Variants in PITPNA observed in about 807,000 individuals in gnomAD.
PITPNA encodes the protein phosphatidylinositol transfer protein alpha isoform.
A neutral mutation model predicts 50.3 loss-of-function variants in PITPNA; 13 were observed. The observed-to-expected ratio is 0.26, with a 90% CI of 0.17 to 0.41. PITPNA has a LOEUF of 0.41. PITPNA is among the 10% of genes least tolerant of loss of function. The probability of loss-of-function intolerance (pLI) is 1.00; values close to 1 mark genes in which losing one functional copy is unlikely to be tolerated. For missense variants in PITPNA, 207 were observed against 333.4 expected, an observed-to-expected ratio of 0.62 and a Z score of 2.95; for synonymous variants, 120 against 119.6, an observed-to-expected ratio of 1.00 and a Z score of -0.02.
rs1374626342 is a variant in PITPNA, at chr17:1,517,748, G to A, written c.*2813C>T. 1.3e-5 allele frequency: 2 copies of A among 152,134 alleles called. No individual in the cohort carries two copies. The highest frequency in any genetic ancestry group is 4.8e-5 in the African/African-American group (2 of 41,406). 9.4% of individuals were successfully genotyped at this position (152,134 alleles called of 1,614,324 possible). The stretch of plus-strand genomic sequence containing the variant: ...ATAAAGAGGAAGATGTGAAGAGGAG[G>A]CAGACAAAAGCAAAAGGACATCCTG... On this transcript the variant is annotated 3_prime_UTR_variant, in exon 12 of 12. Transcript: ENST00000313486.
chr17:1,541,068 C>CT (rs2075645767), intron 6 of PITPNA, among the ~76,000 whole-genome samples: 1 of 151,946 alleles, frequency 6.6e-6, no homozygotes, highest in Non-Finnish European at 1.5e-5. Context: ...CCAGCTAATT[C>CT]TTTTTTTATT....
intron 4 of PITPNA, among the ~76,000 whole-genome samples, chr17:1,543,773 A>G (rs2075659744): frequency 6.6e-6 from 1 of 152,194 alleles, no homozygotes. Context: ...AAGAGCTATC[A>G]CGCACAGAAA....
chr17:1,521,524 A>G (rs2075512457), intron 11 of PITPNA, 55 bp downstream of exon 11: 3 of 1,317,702 alleles, frequency 2.3e-6, no homozygotes, highest in Non-Finnish European at 3.3e-6. Flanking sequence ...GAGGCCTTGA[A>G]ACCCAAACTG....
intron 3 of PITPNA, among the ~76,000 whole-genome samples, chr17:1,549,497 T>C (rs2075696953): frequency 6.7e-6 from 1 of 148,204 alleles, no homozygotes; most frequent in Admixed American, 6.8e-5. Flanking sequence ...TTTGTATTTT[T>C]AGTAAAGACA....
chr17:1,558,005 C>A (rs1260238727), intron 2 of PITPNA, among the ~76,000 whole-genome samples: 2 of 151,962 alleles, frequency 1.3e-5, no homozygotes, highest in Non-Finnish European at 1.5e-5. Flanking sequence ...CTGAGGCGGG[C>A]GGATCACTTG....
At chr17:1,528,284 GCA>G (rs2075559899) in intron 10 of PITPNA, among the ~76,000 whole-genome samples, 2 of 152,176 alleles carry the variant, frequency 1.3e-5, no homozygotes, top group African/African-American at 4.8e-5. Flanking sequence ...GGGATTACAG[GCA>G]CACACCACCA....
At chr17:1,547,696 C>T (rs1419864223) in intron 4 of PITPNA, among the ~76,000 whole-genome samples, 1 of 150,890 alleles carries the variant, frequency 6.6e-6, no homozygotes, top group African/African-American at 2.4e-5. Flanking sequence ...TAAAATTTTT[C>T]GAGAAAATGT....
chr17:1,548,834 TGA>T (rs2075692528), intron 3 of PITPNA, among the ~76,000 whole-genome samples: 4 of 152,230 alleles, frequency 2.6e-5, no homozygotes, highest in Admixed American at 2.6e-4. Flanking sequence ...TCATCAGCTC[TGA>T]GAGGCCAGGA....
In PITPNA at chr17:1,562,542, A is replaced by G; in HGVS notation, c.19T>C (p.Tyr7His). 7.0e-7 allele frequency: 1 copy of G among 1,421,274 alleles called. No homozygotes were observed. The highest frequency in any genetic ancestry group is 9.2e-7 in the Non-Finnish European group (1 of 1,083,124). The allele number at this position is 1,421,274 out of a possible 1,614,324, so 88.0% of individuals were successfully genotyped here. Residue 7 changes from tyrosine to histidine, a missense_variant and splice_region_variant, in exon 1 of 12, where the codon TAT (tyrosine) becomes CAT (histidine). By Grantham distance (83) the Tyr-to-His change is moderately conservative (BLOSUM62 2). Coordinates refer to ENST00000313486, the MANE Select transcript of PITPNA (RefSeq NM_006224.4). The surrounding 1 kb of genome is among the most constrained non-coding windows in gnomAD (Gnocchi z 6.4). The part of the protein sequence containing the change: MVLLKE[Y>H]RVILPVSVDE... Reference sequence around the variant, plus strand: ...TCCGCACGGCCGCCGGACACTCACTACTCCTTGAGCAGCACCATGTCGCTT... The same window carrying G: ...TCCGCACGGCCGCCGGACACTCACTGCTCCTTGAGCAGCACCATGTCGCTT...
intron 10 of PITPNA, among the ~76,000 whole-genome samples, chr17:1,527,086 A>C (rs2075552290): frequency 6.6e-6 from 1 of 150,506 alleles, no homozygotes. Context: ...ATGATCTAAG[A>C]ATGCTTATTT....
intron 3 of PITPNA, among the ~76,000 whole-genome samples, chr17:1,549,407 C>T (rs2151011790): frequency 1.3e-5 from 2 of 150,914 alleles, no homozygotes; most frequent in South Asian, 4.2e-4. Flanking sequence ...AGCTCCTCCT[C>T]CCAGGTTCAA....
chr17:1,548,238 G>A, intron 4 of PITPNA, 58 bp downstream of exon 4: 1 of 1,137,302 alleles, frequency 8.8e-7, no homozygotes, highest in East Asian at 2.4e-5. Flanking sequence ...CACGCAGGTG[G>A]GACCCACAGC....
At chr17:1,542,965 C>T in intron 5 of PITPNA, 55 bp downstream of exon 5, 1 of 1,419,332 alleles carries the variant, frequency 7.0e-7, no homozygotes, top group Non-Finnish European at 9.8e-7. Flanking sequence ...TTACATTTTT[C>T]TCTCTCCTGT....
At chr17:1,536,454 AT>A (rs200916480) in intron 7 of PITPNA, among the ~76,000 whole-genome samples, 8 of 151,114 alleles carry the variant, frequency 5.3e-5, no homozygotes, top group East Asian at 3.9e-4. Flanking sequence ...TGCCCGGCTA[AT>A]TTTTTTTGTA....
In PITPNA at chr17:1,558,769, A is replaced by ACCCCCCCC. The variant is rs147366133; in HGVS notation, c.21-218_21-211dup. On this transcript the variant is annotated intron_variant, in intron 1 of 11. Coordinates refer to ENST00000313486, the MANE Select transcript of PITPNA (RefSeq NM_006224.4). ...GTAAGACACTAAACTCTGTGACAAC[A>ACCCCCCCC]CCCCCCCCCCGCCCCCCCCCCCAGA... 5.8e-3 allele frequency among the ~76,000 whole-genome samples: 132 copies of ACCCCCCCC among 22,700 alleles called. 1 individual carries two copies. Among genetic ancestry groups the ACCCCCCCC allele is most frequent in the African/African-American group, 6.8e-3 (28 of 4,106 alleles). The allele number at this position is 22,700 out of a possible 152,430, so 14.9% of individuals were successfully genotyped here. A position where few individuals can be genotyped will look rare whatever the true frequency, so the allele number is the denominator to read the frequency against.
At chr17:1,525,289 A>G (rs1293915022) in intron 10 of PITPNA, among the ~76,000 whole-genome samples, 1 of 151,998 alleles carries the variant, frequency 6.6e-6, no homozygotes, top group African/African-American at 2.4e-5. Context: ...CACCCGGCCA[A>G]TAAAAAATTA....
intron 7 of PITPNA, among the ~76,000 whole-genome samples, chr17:1,536,013 C>A (rs2075613709): frequency 6.6e-6 from 1 of 152,198 alleles, no homozygotes. Flanking sequence ...TCTTCCAGTG[C>A]AATCTCCCTC....
intron 3 of PITPNA, among the ~76,000 whole-genome samples, chr17:1,550,144 C>T (rs996440423): frequency 4.6e-5 from 7 of 152,270 alleles, no homozygotes; most frequent in Non-Finnish European, 7.4e-5. Flanking sequence ...CCCATTCAGG[C>T]GAGTATTTCT....
At chr17:1,526,312 G>C (rs1012631039) in intron 10 of PITPNA, among the ~76,000 whole-genome samples, 5 of 152,206 alleles carry the variant, frequency 3.3e-5, no homozygotes, top group African/African-American at 1.2e-4. Context: ...GGAAGTTCAG[G>C]AAAACTGAGG....
Sources: allele counts gnomAD v4.1 joint callset (sites outside exome capture counted in the v4.1 genomes callset), GRCh38; gene constraint gnomAD v4.1.1; non-coding constraint Gnocchi (gnomAD v3.1); transcripts MANE v1.5; gene names NCBI Gene and HGNC (gene_info 2026-07-23, HGNC 2026-07-21).